The following PLCB1 variants were observed in gnomAD, a reference collection of about 807,000 sequenced individuals.
PLCB1 encodes the protein phospholipase C beta 1, also known as 1-phosphatidylinositol 4,5-bisphosphate phosphodiesterase beta-1.
In PLCB1, 46 loss-of-function variants were observed where a neutral mutation model predicts 161.8. The ratio of observed to expected loss-of-function variants is 0.28; its 90% CI spans 0.22 to 0.36. The LOEUF is 0.36. Ranked by LOEUF, PLCB1 falls within the 10% of genes least tolerant of loss-of-function variation. The pLI is 1.00. For synonymous variants in PLCB1, 517 were observed against 503.7 expected, an observed-to-expected ratio of 1.03 and a Z score of -0.35; for missense variants, 1,016 against 1,472.5, an observed-to-expected ratio of 0.69 and a Z score of 5.07.
chr20:8,583,620 TCCTG>T (rs1986899869), intron 3 of PLCB1, among the ~76,000 whole-genome samples: 13 of 152,168 alleles, frequency 8.5e-5, no homozygotes, highest in Admixed American at 7.9e-4. Context: ...TCCCTTTGAT[TCCTG>T]AGCTTACTGG....
intron 1 of PLCB1, among the ~76,000 whole-genome samples, chr20:8,140,622 G>A (rs188145256): frequency 5.9e-5 from 9 of 152,196 alleles, no homozygotes; most frequent in East Asian, 3.9e-4. Flanking sequence ...TGCATTTCAC[G>A]TAGAAGCAAA....
intron 2 of PLCB1, among the ~76,000 whole-genome samples, chr20:8,230,130 CAG>C (rs1249808401): frequency 1.6e-5 from 2 of 126,750 alleles, no homozygotes; most frequent in Admixed American, 8.2e-5. Flanking sequence ...CCTCTTGAAA[CAG>C]AATGTGCAAT....
chr20:8,484,621 T>C (rs1454560911), intron 3 of PLCB1, among the ~76,000 whole-genome samples: 1 of 152,160 alleles, frequency 6.6e-6, no homozygotes, highest in Non-Finnish European at 1.5e-5. Context: ...AGTGCTGGGA[T>C]TACAGGCATG....
At chr20:8,468,792 C>T (rs1437511141) in intron 3 of PLCB1, among the ~76,000 whole-genome samples, 3 of 152,066 alleles carry the variant, frequency 2.0e-5, no homozygotes, top group African/African-American at 7.2e-5. Flanking sequence ...TTTAATTATT[C>T]ACAACAGTGC....
chr20:8,133,719 C>T (rs1488533309), intron 1 of PLCB1, among the ~76,000 whole-genome samples: 3 of 152,014 alleles, frequency 2.0e-5, no homozygotes, highest in Non-Finnish European at 4.4e-5. Context: ...TCTAAAGGTT[C>T]GATAAGAAAA....
intron 31 of PLCB1, among the ~76,000 whole-genome samples, chr20:8,835,312 T>C (rs1986238354): frequency 6.6e-6 from 1 of 152,170 alleles, no homozygotes; most frequent in Non-Finnish European, 1.5e-5. Context: ...GGTAGCAGGC[T>C]TGATAGACCA....
intron 4 of PLCB1, among the ~76,000 whole-genome samples, chr20:8,630,827 G>A (rs1000237042): frequency 1.3e-5 from 2 of 152,004 alleles, no homozygotes; most frequent in Admixed American, 1.3e-4. Flanking sequence ...ATCTTAAGTT[G>A]CATTAAGCCT....
intron 2 of PLCB1, among the ~76,000 whole-genome samples, chr20:8,316,222 A>G (rs1984643986): frequency 6.6e-6 from 1 of 152,186 alleles, no homozygotes; most frequent in African/African-American, 2.4e-5. Flanking sequence ...TTATTTCTGA[A>G]TATGGCAGGA....
At chr20:8,425,075 C>T (rs1297526713) in intron 3 of PLCB1, among the ~76,000 whole-genome samples, 1 of 151,682 alleles carries the variant, frequency 6.6e-6, no homozygotes, top group African/African-American at 2.4e-5. Context: ...GGTCACACTC[C>T]CGTGCAAACA....
chr20:8,738,234 G>A (rs916569534), intron 20 of PLCB1, among the ~76,000 whole-genome samples: 1 of 152,184 alleles, frequency 6.6e-6, no homozygotes, highest in African/African-American at 2.4e-5. Flanking sequence ...CTTTGAAGAT[G>A]CAAAAGTCAT....
chr20:8,422,300 G>T (rs1453306266), intron 3 of PLCB1, among the ~76,000 whole-genome samples: 1 of 152,210 alleles, frequency 6.6e-6, no homozygotes, highest in Non-Finnish European at 1.5e-5. Context: ...GTCCAGAATT[G>T]CAGCTTGGCT....
At chr20:8,757,580 A>G (rs1448567163) in intron 24 of PLCB1, among the ~76,000 whole-genome samples, 2 of 152,116 alleles carry the variant, frequency 1.3e-5, no homozygotes, top group Admixed American at 6.5e-5. Flanking sequence ...TTTCTTTTCA[A>G]CATCTTTGAG....
At chr20:8,832,866 C>T (rs1392934000) in intron 31 of PLCB1, among the ~76,000 whole-genome samples, 2 of 152,154 alleles carry the variant, frequency 1.3e-5, no homozygotes, top group East Asian at 3.9e-4. Context: ...ATTACAAAGG[C>T]CCACATCCCT....
intron 31 of PLCB1, among the ~76,000 whole-genome samples, chr20:8,790,857 A>T (rs1983723253): frequency 1.3e-5 from 2 of 152,160 alleles, no homozygotes; most frequent in Non-Finnish European, 2.9e-5. Flanking sequence ...TAGATCAAAT[A>T]CTTTGAGGTT....
chr20:8,157,205 A>G (rs2051571390), intron 2 of PLCB1, among the ~76,000 whole-genome samples: 1 of 152,226 alleles, frequency 6.6e-6, no homozygotes, highest in Non-Finnish European at 1.5e-5. Flanking sequence ...AGTCCATCAT[A>G]GGTGAAAGTT....
At chr20:8,307,669 C>T (rs914706712) in intron 2 of PLCB1, among the ~76,000 whole-genome samples, 6 of 152,006 alleles carry the variant, frequency 3.9e-5, no homozygotes, top group African/African-American at 1.5e-4. Context: ...ACCTGTAATC[C>T]CAGCACTTTG....
intron 22 of PLCB1, 67 bp downstream of exon 22, chr20:8,740,515 T>G (rs1442622625): frequency 2.2e-6 from 2 of 916,682 alleles, no homozygotes; most frequent in African/African-American, 3.5e-5. Flanking sequence ...CCATATATTT[T>G]TGGGTTAGTG....
intron 7 of PLCB1, chr20:8,651,526 T>C (rs1287782362): frequency 2.8e-6 from 2 of 716,722 alleles, no homozygotes; most frequent in Non-Finnish European, 5.2e-6. Flanking sequence ...CTGCTTGCTA[T>C]TGCTTTTTTG....
chr20:8,637,411 T>C (rs1234827669), intron 4 of PLCB1, among the ~76,000 whole-genome samples: 1 of 152,004 alleles, frequency 6.6e-6, no homozygotes, highest in African/African-American at 2.4e-5. Flanking sequence ...TACAAGAAAA[T>C]ATCTGAGAGC....
Sources: gnomAD v4.1 joint callset for allele counts (sites outside exome capture counted in the v4.1 genomes callset) on GRCh38, gnomAD v4.1.1 for gene constraint, MANE v1.5 for transcripts, NCBI Gene and HGNC (gene_info 2026-07-23, HGNC 2026-07-21) for gene names.